Variants in ZKSCAN2 observed in about 807,000 individuals in gnomAD.
ZKSCAN2 encodes the protein zinc finger with KRAB and SCAN domains 2.
In ZKSCAN2, 38 loss-of-function variants were observed where a neutral mutation model predicts 90.5. That is an observed-to-expected ratio of 0.42 (90% CI 0.32 to 0.55). ZKSCAN2 has a LOEUF of 0.55. ZKSCAN2 is among the 20% of genes least tolerant of loss of function. The pLI, the probability that ZKSCAN2 is intolerant of heterozygous loss-of-function variation, is 0.11. For missense variants in ZKSCAN2, 1,167 were observed against 1,202.6 expected, an observed-to-expected ratio of 0.97 and a Z score of 0.44; for synonymous variants, 429 against 421.6, an observed-to-expected ratio of 1.02 and a Z score of -0.22.
Position 25,240,656 on chromosome 16 carries a change from T to C in ZKSCAN2, c.2064A>G (p.Glu688=), listed in dbSNP as rs373567865. The change falls in exon 7 of 7, where the codon GAA becomes GAG. Residue 688 remains glutamate, a synonymous_variant. Transcript: ENST00000328086. The part of the protein sequence containing the change: ...KDMEQHRALI[E]KSKRVVSQST... The stretch of plus-strand genomic sequence containing the variant: ...TCTGGGAAACAACTCTTTTAGACTT[T>C]TCTATTAATGCCCTATGCTGTTCCA... 7.4e-6 allele frequency: 12 copies of C among 1,614,090 alleles called. No homozygotes were observed. The highest frequency in any genetic ancestry group is 9.3e-6 in the Non-Finnish European group (11 of 1,180,026).
intron 5 of ZKSCAN2, 92 bp from the exon 6 acceptor site, chr16:25,244,368 A>T: frequency 9.1e-6 from 13 of 1,432,516 alleles, no homozygotes; most frequent in Non-Finnish European, 1.1e-5. Context: ...AGGTAAAAAA[A>T]AATCCCATTC....
chr16:25,243,282 G>A (rs554404791), intron 6 of ZKSCAN2, among the ~76,000 whole-genome samples: 1 of 152,314 alleles, frequency 6.6e-6, no homozygotes, highest in Admixed American at 6.5e-5. Flanking sequence ...CAAGGACTGA[G>A]TCACTCTAAC....
chr16:25,243,825 T>A lies in ZKSCAN2; in HGVS notation c.1941A>T (p.Pro647=), dbSNP rs1285049813. 1.2e-6 allele frequency: 2 copies of A among 1,613,902 alleles called. No homozygotes were observed. The highest frequency in any genetic ancestry group is 1.7e-6 in the Non-Finnish European group (2 of 1,179,968). Residue 647 remains proline, a synonymous_variant, in exon 6 of 7, where the codon CCA becomes CCT. Coordinates refer to ENST00000328086, the MANE Select transcript of ZKSCAN2 (RefSeq NM_001012981.5). ...GTAGACCTGGAGGTCCCTGGAACTC[T>A]GGCTCTTGCACAATTTCCTCCTCGC... The part of the protein sequence containing the change: ...RMSEEEIVQE[P]EFQGPPGLLQ...
rs150009750 is a variant in ZKSCAN2 at position 25,246,733 on chromosome 16, G to A, written c.1463C>T (p.Ala488Val). ...EFIRKSEIHGAPVLFQNLSGV... is the reference protein window; with the variant it reads ...EFIRKSEIHGVPVLFQNLSGV... ...ACTGAGATTCTGAAACAAGACAGGG[G>A]CACCATGGATTTCAGACTTGCGGAT... is the stretch of plus-strand genomic sequence containing the variant. The change falls in exon 5 of 7, where the codon GCC becomes GTC. Residue 488 changes from alanine to valine, a missense_variant. Coordinates refer to ENST00000328086, the MANE Select transcript of ZKSCAN2 (RefSeq NM_001012981.5). 10 of 1,614,048 alleles carry A rather than the reference G, an allele frequency of 6.2e-6. No homozygotes were observed. The African/African-American group carries it at 6.7e-5, about 11-fold the overall frequency.
rs1567355402 is a variant in ZKSCAN2, at chr16:25,256,805, T to C, written c.323A>G (p.Gln108Arg). ...PEKIQAWAQKQCPQSGEEAVA... is the reference protein window; with the variant it reads ...PEKIQAWAQKRCPQSGEEAVA... ...CGCTTCCTCTCCACTTTGCGGACACTGCTTCTGTGCCCAAGCCTGAATCTT... is the reference window on the plus strand; with the variant it reads ...CGCTTCCTCTCCACTTTGCGGACACCGCTTCTGTGCCCAAGCCTGAATCTT... The change falls in exon 1 of 7, where the codon CAG becomes CGG. Residue 108 changes from glutamine (Q) to arginine (R), a missense_variant. Coordinates refer to ENST00000328086, the MANE Select transcript of ZKSCAN2 (RefSeq NM_001012981.5). 1 of 1,614,222 alleles carries C rather than the reference T, an allele frequency of 6.2e-7. No individual in the cohort carries two copies.
In ZKSCAN2 at chr16:25,240,642, A is replaced by G. The variant is rs1289516707; in HGVS notation, c.2078T>C (p.Val693Ala). 1 of 1,613,262 alleles carries G rather than the reference A, an allele frequency of 6.2e-7. No individual in the cohort carries two copies. Among genetic ancestry groups the G allele is most frequent in the East Asian group, 2.2e-5 (1 of 44,848 alleles). The change falls in exon 7 of 7, where the codon GTT (valine) becomes GCT (alanine). Residue 693 changes from valine (V) to alanine (A), a missense_variant. By Grantham distance (64) the Val-to-Ala change is moderately conservative. Coordinates refer to ENST00000328086, the MANE Select transcript of ZKSCAN2 (RefSeq NM_001012981.5). The stretch of plus-strand genomic sequence containing the variant: ...GCTGGGGTCGGTACTCTGGGAAACA[A>G]CTCTTTTAGACTTTTCTATTAATGC... The part of the protein sequence containing the change: ...HRALIEKSKR[V>A]VSQSTDPSKY...
chr16:25,244,329 C>T (rs1434924822), intron 5 of ZKSCAN2, 53 bp from the exon 6 acceptor site: 2 of 1,557,610 alleles, frequency 1.3e-6, no homozygotes, highest in Non-Finnish European at 1.7e-6. Flanking sequence ...AGTCTCTAGC[C>T]TCTATACTAT....
At chr16:25,244,420 G>C in intron 5 of ZKSCAN2, 144 bp from the exon 6 acceptor site, 4 of 826,160 alleles carry the variant, frequency 4.8e-6, no homozygotes, top group Non-Finnish European at 7.4e-6. Flanking sequence ...AATAAGCTTT[G>C]CAAGAAATGA....
intron 6 of ZKSCAN2, 53 bp from the exon 7 acceptor site, chr16:25,240,791 A>G: frequency 6.6e-7 from 1 of 1,508,364 alleles, no homozygotes; most frequent in Non-Finnish European, 9.1e-7. Context: ...ATTAACCATA[A>G]ACAACCTGGC....
In ZKSCAN2 at chr16:25,238,577, T is replaced by C. The variant is rs1312990918; in HGVS notation, c.*1239A>G. On this transcript the variant is annotated 3_prime_UTR_variant, in exon 7 of 7. Transcript: ENST00000328086. ...TTCTGGATTGAAGTTTTTATAAATG[T>C]TCCCACTTTTCACCCAGTGAGCTCT... is the stretch of plus-strand genomic sequence containing the variant. The C allele has an allele frequency of 6.6e-6, 1 of 152,220 alleles. No individual in the cohort carries two copies. Among genetic ancestry groups the C allele is most frequent in the Non-Finnish European group, 1.5e-5 (1 of 68,036 alleles). The allele number at this position is 152,220 out of a possible 1,614,324, so 9.4% of individuals were successfully genotyped here.
In ZKSCAN2 at chr16:25,247,184, T is replaced by C; in HGVS notation, c.1012A>G (p.Ile338Val). 3 of 1,614,238 alleles carry C rather than the reference T, an allele frequency of 1.9e-6. No individual in the cohort carries two copies. Among genetic ancestry groups the C allele is most frequent in the Non-Finnish European group, 2.5e-6 (3 of 1,180,046 alleles). ...TCATAGCTCCAATGCACACCTGCTA[T>C]CTTTTCATCTTCTAAACCCCACTGC... is the stretch of plus-strand genomic sequence containing the variant. ...QQQWGLEDEK[I>V]AGVHWSYEET... The change falls in exon 5 of 7, where the codon ATA becomes GTA. Residue 338 changes from isoleucine to valine, a missense_variant. Ile to Val is a conservative substitution (Grantham distance 29). Coordinates refer to ENST00000328086, the MANE Select transcript of ZKSCAN2 (RefSeq NM_001012981.5).
rs377065788 is a variant in ZKSCAN2 at position 25,240,709 on chromosome 16, C to A, written c.2011G>T (p.Asp671Tyr). 3.7e-6 allele frequency: 6 copies of A among 1,610,120 alleles called. No individual in the cohort carries two copies. In the Admixed American group the frequency reaches 5.0e-5, roughly 13 times the overall value. The change falls in exon 7 of 7, where the codon GAT (aspartate) becomes TAT (tyrosine). Residue 671 changes from aspartate (D) to tyrosine (Y), a missense_variant. By Grantham distance (160) the Asp-to-Tyr change is radical. Transcript: ENST00000328086. ...DFEIGSSIKEDPTQIVYKDME... is the reference protein window; with the variant it reads ...DFEIGSSIKEYPTQIVYKDME... The stretch of plus-strand genomic sequence containing the variant: ...TCCTTATATACTATCTGTGTTGGAT[C>A]CTCCTTGATGCTACTTCCGATTTCA...
intron 5 of ZKSCAN2, among the ~76,000 whole-genome samples, chr16:25,245,626 C>A (rs370729122): frequency 4.6e-5 from 7 of 151,834 alleles, no homozygotes; most frequent in South Asian, 4.2e-4. Flanking sequence ...ATTAGCCAGG[C>A]GTGGTGGTGG....
chr16:25,247,834 A>AT, intron 4 of ZKSCAN2, among the ~76,000 whole-genome samples: 2 of 152,302 alleles, frequency 1.3e-5, no homozygotes, highest in African/African-American at 2.4e-5. Context: ...GAAGCCAAGA[A>AT]TTTTTTGTTA....
rs1216555296 is a variant in ZKSCAN2 at position 25,239,799 on chromosome 16, G to A, written c.*17C>T. On this transcript the variant is annotated 3_prime_UTR_variant, in exon 7 of 7. Transcript: ENST00000328086. ...GGTAAAATGGCTAAGGGGGCATTTA[G>A]GAAGAGAAGATCATCATCAAAAAGT... 6.4e-7 allele frequency: 1 copy of A among 1,554,206 alleles called. No individual in the cohort carries two copies. The highest frequency in any genetic ancestry group is 1.2e-5 in the South Asian group (1 of 80,838).
Position 25,243,985 on chromosome 16 carries a change from G to T in ZKSCAN2, c.1781C>A (p.Thr594Asn), listed in dbSNP as rs747511930. Residue 594 changes from threonine to asparagine, a missense_variant, in exon 6 of 7, where the codon ACC becomes AAC. Thr to Asn is a moderately conservative substitution (Grantham distance 65). Coordinates refer to ENST00000328086, the MANE Select transcript of ZKSCAN2 (RefSeq NM_001012981.5). ...TGAAGGTGATGGGACTTCCTCTGGG[G>T]TGCTGGGGGAAGGAGCAGATGCCCG... Reference protein sequence around the residue: ...NSRASAPSPSTPEEVPSPSRQ... With the variant: ...NSRASAPSPSNPEEVPSPSRQ... 2 of 1,614,048 alleles carry T rather than the reference G, an allele frequency of 1.2e-6. No homozygotes were observed. The highest frequency in any genetic ancestry group is 2.7e-5 in the African/African-American group (2 of 74,920).
chr16:25,253,106 T>A, intron 2 of ZKSCAN2, 69 bp from the exon 3 acceptor site: 2 of 1,205,056 alleles, frequency 1.7e-6, no homozygotes, highest in Non-Finnish European at 2.5e-6. Context: ...TCTCTCTTTT[T>A]AAGAGATGAG....
chr16:25,257,326 T>C lies in ZKSCAN2; in HGVS notation c.-199A>G. 1 of 1,354,342 alleles carries C rather than the reference T, an allele frequency of 7.4e-7. No individual in the cohort carries two copies. The highest frequency in any genetic ancestry group is 9.5e-7 in the Non-Finnish European group (1 of 1,057,548). 83.9% of individuals were successfully genotyped at this position (1,354,342 alleles called of 1,614,324 possible). A position where few individuals can be genotyped will look rare whatever the true frequency, so the allele number is the denominator to read the frequency against. On this transcript the variant is annotated 5_prime_UTR_variant, in exon 1 of 7. Coordinates refer to ENST00000328086, the MANE Select transcript of ZKSCAN2 (RefSeq NM_001012981.5). ...GAAAAGGTGAACGTATACTCTAAGA[T>C]GCAAAAGCCTGGCCTCTTCTCCAAA...
Position 25,246,734 on chromosome 16 carries a change from C to A in ZKSCAN2, c.1462G>T (p.Ala488Ser). 3 of 1,614,200 alleles carry A rather than the reference C, an allele frequency of 1.9e-6. No individual in the cohort carries two copies. Among genetic ancestry groups the A allele is most frequent in the Non-Finnish European group, 2.5e-6 (3 of 1,180,034 alleles). The change falls in exon 5 of 7, where the codon GCC becomes TCC. Residue 488 changes from alanine to serine, a missense_variant. Transcript: ENST00000328086. ...EFIRKSEIHG[A>S]PVLFQNLSGV... ...CTGAGATTCTGAAACAAGACAGGGG[C>A]ACCATGGATTTCAGACTTGCGGATA...
Sources: allele counts gnomAD v4.1 joint callset (sites outside exome capture counted in the v4.1 genomes callset), GRCh38; gene constraint gnomAD v4.1.1; transcripts MANE v1.5; gene names NCBI Gene and HGNC (gene_info 2026-07-23, HGNC 2026-07-21).